Variants in B3GNT5 observed in about 807,000 individuals in gnomAD.
B3GNT5 encodes lactosylceramide 1,3-N-acetyl-beta-D-glucosaminyltransferase.
A neutral mutation model predicts 25.9 loss-of-function variants in B3GNT5; 11 were observed. That is an observed-to-expected ratio of 0.42 (90% CI 0.27 to 0.70). The LOEUF (loss-of-function observed/expected upper bound fraction) is 0.70. B3GNT5 is among the 30% of genes least tolerant of loss of function. The probability of loss-of-function intolerance (pLI) is 0.23; values close to 1 mark genes in which losing one functional copy is unlikely to be tolerated. For missense variants in B3GNT5, 385 were observed against 458.4 expected (o/e 0.84, Z 1.46); for synonymous variants, 166 against 158.6 (o/e 1.05, Z -0.35).
chr3:183,256,892 A>G (rs1725089461), intron 1 of B3GNT5, among the ~76,000 whole-genome samples: 1 of 152,158 alleles, frequency 6.6e-6, no homozygotes, highest in African/African-American at 2.4e-5. Context: ...CATGAGAAGG[A>G]CCATATTCAG....
At position 183,270,405 on chromosome 3, in the gene B3GNT5, CTGAT is replaced by C. The variant is rs777108603; in HGVS notation, c.611_614del (p.Ile204SerfsTer6). 7.4e-6 allele frequency: 12 copies of C among 1,614,062 alleles called. No individual in the cohort carries two copies. Among genetic ancestry groups the C allele is most frequent in the African/African-American group, 1.3e-5 (1 of 74,924 alleles). ...TGACATATTTATTCACATGCCAAAT[CTGAT>C]TGAGTACCTTCAAAGTTTAGAACAA... On this transcript the variant is annotated frameshift_variant, in exon 2 of 2. Transcript: ENST00000326505. LOFTEE classifies it high-confidence loss of function. The surrounding 1 kb of genome is among the most constrained non-coding windows in gnomAD (Gnocchi z 4.5).
At chr3:183,260,154 T>G (rs2108414619) in intron 1 of B3GNT5, among the ~76,000 whole-genome samples, 1 of 152,116 alleles carries the variant, frequency 6.6e-6, no homozygotes, top group Admixed American at 6.6e-5. Flanking sequence ...TTGTTGACAT[T>G]ACATGGTTAA....
At chr3:183,264,139 G>C (rs993201135) in intron 1 of B3GNT5, among the ~76,000 whole-genome samples, 3 of 152,100 alleles carry the variant, frequency 2.0e-5, no homozygotes, top group Non-Finnish European at 4.4e-5. Flanking sequence ...GCTGCTTTCT[G>C]TACCCCCCTA....
At position 183,273,018 on chromosome 3, in the gene B3GNT5, C is replaced by G; in HGVS notation, c.*2083C>G. 6.7e-7 allele frequency: 1 copy of G among 1,484,494 alleles called. No homozygotes were observed. The highest frequency in any genetic ancestry group is 8.9e-7 in the Non-Finnish European group (1 of 1,119,708). The allele number at this position is 1,484,494 out of a possible 1,614,324, so 92.0% of individuals were successfully genotyped here. On this transcript the variant is annotated 3_prime_UTR_variant, in exon 2 of 2. Transcript: ENST00000326505. ...TCCTTTTTTTCTAAGAAGGAAGTTG[C>G]TAGATGATTCCTTCATCACACTTAC...
In B3GNT5 at chr3:183,272,913, C is replaced by A; in HGVS notation, c.*1978C>A. On this transcript the variant is annotated 3_prime_UTR_variant, in exon 2 of 2. Coordinates refer to ENST00000326505, the MANE Select transcript of B3GNT5 (RefSeq NM_032047.5). ...AACAATTATTTATTTGCTGAAAGAG[C>A]TCTTCTGAACTGTGTCCTTTTAATT... 1 of 1,345,392 alleles carries A rather than the reference C, an allele frequency of 7.4e-7. No individual in the cohort carries two copies. The highest frequency in any genetic ancestry group is 9.6e-7 in the Non-Finnish European group (1 of 1,040,644). The allele number at this position is 1,345,392 out of a possible 1,614,324, so 83.3% of individuals were successfully genotyped here.
chr3:183,257,423 C>A (rs964244666), intron 1 of B3GNT5, among the ~76,000 whole-genome samples: 10 of 152,184 alleles, frequency 6.6e-5, no homozygotes, highest in African/African-American at 2.4e-4. Context: ...TCCTATCCTG[C>A]CCATGGCCTA....
intron 1 of B3GNT5, chr3:183,266,201 G>C (rs1726103426): frequency 6.6e-6 from 1 of 152,236 alleles, no homozygotes; most frequent in Admixed American, 6.5e-5. Flanking sequence ...GGGTGTGGGA[G>C]CAGTTGGACT....
At chr3:183,257,075 C>T (rs1725107275) in intron 1 of B3GNT5, among the ~76,000 whole-genome samples, 1 of 152,098 alleles carries the variant, frequency 6.6e-6, no homozygotes, top group Admixed American at 6.5e-5. Flanking sequence ...AAAAAATCAG[C>T]CATCCATTAA....
Position 183,272,998 on chromosome 3 carries a change from T to A in B3GNT5, c.*2063T>A, listed in dbSNP as rs905828365. On this transcript the variant is annotated 3_prime_UTR_variant, in exon 2 of 2. Coordinates refer to ENST00000326505, the MANE Select transcript of B3GNT5 (RefSeq NM_032047.5). The stretch of plus-strand genomic sequence containing the variant: ...CAAGGAAATATGAAGGCACTTCCTT[T>A]TTTTCTAAGAAGGAAGTTGCTAGAT... 7.4e-6 allele frequency: 11 copies of A among 1,480,262 alleles called. No homozygotes were observed. Among genetic ancestry groups the A allele is most frequent in the Non-Finnish European group, 8.9e-6 (10 of 1,120,840 alleles). The allele number at this position is 1,480,262 out of a possible 1,614,324, so 91.7% of individuals were successfully genotyped here. A position where few individuals can be genotyped will look rare whatever the true frequency, so the allele number is the denominator to read the frequency against.
Position 183,270,491 on chromosome 3 carries a change from A to G in B3GNT5, c.693A>G (p.Arg231=), listed in dbSNP as rs1388404878. The change falls in exon 2 of 2, where the codon AGA becomes AGG. Residue 231 remains arginine (R), a synonymous_variant. Coordinates refer to ENST00000326505, the MANE Select transcript of B3GNT5 (RefSeq NM_032047.5). This position sits in a 1 kb window ranked among gnomAD's most constrained non-coding sequence, Gnocchi z 4.5. ...TTCATCGTGGTGCCCCTCCCATTAG[A>G]GATAAAAGCAGCAAATACTACGTGT... The part of the protein sequence containing the change: ...GRVHRGAPPI[R]DKSSKYYVSY... The G allele has an allele frequency of 6.2e-7, 1 of 1,614,174 alleles. No homozygotes were observed. The highest frequency in any genetic ancestry group is 2.2e-5 in the East Asian group (1 of 44,888).
At position 183,273,315 on chromosome 3, in the gene B3GNT5, G is replaced by C. The variant is rs138328243; in HGVS notation, c.*2380G>C. ...TAAATATTTGTATTACTTGAATTTT[G>C]CTCTTGTATGGCAAAATAATTAGTG... is the stretch of plus-strand genomic sequence containing the variant. On this transcript the variant is annotated 3_prime_UTR_variant, in exon 2 of 2. Coordinates refer to ENST00000326505, the MANE Select transcript of B3GNT5 (RefSeq NM_032047.5). 2 of 278,580 alleles carry C rather than the reference G, an allele frequency of 7.2e-6. No individual in the cohort carries two copies. The highest frequency in any genetic ancestry group is 1.3e-4 in the East Asian group (2 of 15,604). 17.3% of individuals were successfully genotyped at this position (278,580 alleles called of 1,614,324 possible). A position where few individuals can be genotyped will look rare whatever the true frequency, so the allele number is the denominator to read the frequency against.
In B3GNT5 at chr3:183,273,070, A is replaced by T. The variant is rs1726921865; in HGVS notation, c.*2135A>T. On this transcript the variant is annotated 3_prime_UTR_variant, in exon 2 of 2. Coordinates refer to ENST00000326505, the MANE Select transcript of B3GNT5 (RefSeq NM_032047.5). Reference sequence around the variant, plus strand: ...TAAAGTACTGAGAAGAGTATCTGTAAATAAAAGGGTTCCAACCTTTTAAAA... The same window carrying T: ...TAAAGTACTGAGAAGAGTATCTGTATATAAAAGGGTTCCAACCTTTTAAAA... 2.0e-6 allele frequency: 3 copies of T among 1,469,586 alleles called. No individual in the cohort carries two copies. Among genetic ancestry groups the T allele is most frequent in the Admixed American group, 4.9e-5 (2 of 40,640 alleles). The allele number at this position is 1,469,586 out of a possible 1,614,324, so 91.0% of individuals were successfully genotyped here. A position where few individuals can be genotyped will look rare whatever the true frequency, so the allele number is the denominator to read the frequency against.
Position 183,264,397 on chromosome 3 carries a change from C to T in B3GNT5, c.-301-5101C>T, listed in dbSNP as rs535998379. ...GTTGGTGTCATGCAGACACACTGTACCTTACCAGGATTTGCCCATTGTTGT... is the reference window on the plus strand; with the variant it reads ...GTTGGTGTCATGCAGACACACTGTATCTTACCAGGATTTGCCCATTGTTGT... On this transcript the variant is annotated intron_variant, in intron 1 of 1. Transcript: ENST00000326505. Among the ~76,000 whole-genome samples the T allele has an allele frequency of 1.1e-4, 17 of 152,346 alleles. 1 individual carries two copies. In the South Asian group the frequency reaches 3.3e-3, roughly 30 times the overall value.
Position 183,272,141 on chromosome 3 carries a change from C to T in B3GNT5, c.*1206C>T. The stretch of plus-strand genomic sequence containing the variant: ...AAAAGTTGCCAGTTTGGGGTTAAAG[C>T]ATTTTTAAAGCTGCATGTTCCTTGT... On this transcript the variant is annotated 3_prime_UTR_variant, in exon 2 of 2. Coordinates refer to ENST00000326505, the MANE Select transcript of B3GNT5 (RefSeq NM_032047.5). 1 of 1,000,210 alleles carries T rather than the reference C, an allele frequency of 1.0e-6. No homozygotes were observed. The allele number at this position is 1,000,210 out of a possible 1,614,324, so 62.0% of individuals were successfully genotyped here.
At position 183,271,067 on chromosome 3, in the gene B3GNT5, A is replaced by G. The variant is rs1577008304; in HGVS notation, c.*132A>G. The stretch of plus-strand genomic sequence containing the variant: ...TATTTTGAAAGCCTAGTCCATCAGA[A>G]TGTTTCTTTGATTCTAGAAGCTGTT... On this transcript the variant is annotated 3_prime_UTR_variant, in exon 2 of 2. Coordinates refer to ENST00000326505, the MANE Select transcript of B3GNT5 (RefSeq NM_032047.5). 1.2e-6 allele frequency: 1 copy of G among 820,286 alleles called. No homozygotes were observed. 50.8% of individuals were successfully genotyped at this position (820,286 alleles called of 1,614,324 possible). A position where few individuals can be genotyped will look rare whatever the true frequency, so the allele number is the denominator to read the frequency against.
At position 183,271,699 on chromosome 3, in the gene B3GNT5, G is replaced by T. The variant is rs948477773; in HGVS notation, c.*764G>T. On this transcript the variant is annotated 3_prime_UTR_variant, in exon 2 of 2. Coordinates refer to ENST00000326505, the MANE Select transcript of B3GNT5 (RefSeq NM_032047.5). ...GTTGCTCATAGGGTCCTTCTCTAGG[G>T]AGAAACCATTGTTAATTCAAATAAG... The T allele has an allele frequency of 3.0e-5, 5 of 166,916 alleles. No individual in the cohort carries two copies. The highest frequency in any genetic ancestry group is 1.2e-4 in the African/African-American group (5 of 41,402). The allele number at this position is 166,916 out of a possible 1,614,324, so 10.3% of individuals were successfully genotyped here.
intron 1 of B3GNT5, among the ~76,000 whole-genome samples, chr3:183,262,562 T>C (rs1431275945): frequency 1.3e-5 from 2 of 152,044 alleles, no homozygotes; most frequent in East Asian, 1.9e-4. Flanking sequence ...CTCCCCCTAG[T>C]CCCGGCCCGA....
Position 183,272,551 on chromosome 3 carries a change from G to T in B3GNT5, c.*1616G>T. ...TTTTCTATTTTGAAATTTGAGGCTT[G>T]TTTACATTGCTTAGATAATTTAGAA... is the stretch of plus-strand genomic sequence containing the variant. On this transcript the variant is annotated 3_prime_UTR_variant, in exon 2 of 2. Transcript: ENST00000326505. The T allele has an allele frequency of 8.1e-6, 8 of 991,974 alleles. No homozygotes were observed. Among genetic ancestry groups the T allele is most frequent in the Non-Finnish European group, 8.5e-6 (7 of 822,782 alleles). 61.4% of individuals were successfully genotyped at this position (991,974 alleles called of 1,614,324 possible). A position where few individuals can be genotyped will look rare whatever the true frequency, so the allele number is the denominator to read the frequency against.
In B3GNT5 at chr3:183,269,856, T is replaced by C. The variant is rs2108444614; in HGVS notation, c.58T>C (p.Phe20Leu). Residue 20 changes from phenylalanine (F) to leucine (L), a missense_variant, in exon 2 of 2, where the codon TTT becomes CTT. Transcript: ENST00000326505. ...VKKWQLIIQL[F>L]ATCFLASLMF... is the part of the protein sequence containing the mutation. ...AAAATGGCAGTTAATTATTCAGTTA[T>C]TTGCTACTTGTTTTTTAGCGAGCCT... is the stretch of plus-strand genomic sequence containing the variant. The C allele has an allele frequency of 6.2e-7, 1 of 1,613,898 alleles. No homozygotes were observed. Among genetic ancestry groups the C allele is most frequent in the East Asian group, 2.2e-5 (1 of 44,886 alleles).
Sources: allele counts gnomAD v4.1 joint callset (sites outside exome capture counted in the v4.1 genomes callset), GRCh38; gene constraint gnomAD v4.1.1; non-coding constraint Gnocchi (gnomAD v3.1); transcripts MANE v1.5; gene names NCBI Gene and HGNC (gene_info 2026-07-23, HGNC 2026-07-21).